The following AFF3 variants were observed in gnomAD, a reference collection of about 807,000 sequenced individuals.
AFF3 encodes ALF transcription elongation factor 3, also known as AF4/FMR2 family member 3.
AFF3 carries 32 observed loss-of-function variants against 129.7 expected under a neutral mutation model. The observed-to-expected ratio is 0.25, with a 90% CI of 0.19 to 0.33. AFF3 has a LOEUF of 0.33. Ranked by LOEUF, AFF3 falls within the 10% of genes least tolerant of loss-of-function variation. The pLI is 1.00. For missense variants in AFF3, 1,373 were observed against 1,592.0 expected (o/e 0.86, Z 2.34); for synonymous variants, 644 against 635.4 (o/e 1.01, Z -0.20).
intron 8 of AFF3, among the ~76,000 whole-genome samples, chr2:99,821,030 G>A (rs1687637618): frequency 6.6e-6 from 1 of 151,792 alleles, no homozygotes. Flanking sequence ...ACGCCACCAT[G>A]CCTGTCTGAT....
At chr2:100,118,900 A>G (rs1248593782) in intron 2 of AFF3, among the ~76,000 whole-genome samples, 8 of 151,024 alleles carry the variant, frequency 5.3e-5, no homozygotes, top group African/African-American at 2.0e-4. Flanking sequence ...TCTGCCTCCT[A>G]GGTTCAAGCC....
intron 8 of AFF3, among the ~76,000 whole-genome samples, chr2:99,836,741 C>A (rs1471479049): frequency 6.6e-6 from 1 of 151,608 alleles, no homozygotes; most frequent in Non-Finnish European, 1.5e-5. Flanking sequence ...TTCATACCAT[C>A]TGGCCTAATT....
chr2:99,894,045 A>G (rs1693759031), intron 7 of AFF3, among the ~76,000 whole-genome samples: 1 of 152,124 alleles, frequency 6.6e-6, no homozygotes, highest in Non-Finnish European at 1.5e-5. Context: ...TTTTTTGTGC[A>G]AAATCAGACC....
intron 11 of AFF3, among the ~76,000 whole-genome samples, chr2:99,720,549 C>A (rs1049433043): frequency 6.6e-6 from 1 of 152,106 alleles, no homozygotes; most frequent in Non-Finnish European, 1.5e-5. Context: ...GCTAAGGATG[C>A]CTCTTTTCTT....
At chr2:99,672,640 C>T (rs55779933) in intron 11 of AFF3, 51 bp from the exon 12 acceptor site, 50,324 of 1,540,604 alleles carry the variant, frequency 0.033, 964 homozygotes, top group Middle Eastern at 0.043. Flanking sequence ...TTAGTGGATT[C>T]AGAATAATTC....
chr2:99,810,361 C>T (rs1256743661), intron 8 of AFF3, among the ~76,000 whole-genome samples: 1 of 152,228 alleles, frequency 6.6e-6, no homozygotes, highest in Non-Finnish European at 1.5e-5. Context: ...GTTCCCCCAT[C>T]TGAGAGATAA....
intron 7 of AFF3, among the ~76,000 whole-genome samples, chr2:99,853,875 A>G (rs981418429): frequency 1.2e-4 from 18 of 152,338 alleles, no homozygotes; most frequent in African/African-American, 4.3e-4. Context: ...GGCCCAGAGA[A>G]TTACAAATTT....
chr2:99,679,378 T>C (rs1409648402), intron 11 of AFF3, among the ~76,000 whole-genome samples: 1 of 152,194 alleles, frequency 6.6e-6, no homozygotes, highest in Non-Finnish European at 1.5e-5. Flanking sequence ...CAACTTCTGA[T>C]GGTCCTTTTC....
chr2:99,811,973 G>C (rs1380393378), intron 8 of AFF3, among the ~76,000 whole-genome samples: 1 of 152,196 alleles, frequency 6.6e-6, no homozygotes, highest in Non-Finnish European at 1.5e-5. Context: ...GTAAGCCAAT[G>C]AGCATTATTT....
In AFF3 at chr2:100,032,091, T is replaced by C. The variant is rs140823333; in HGVS notation, c.54-23159A>G. Among the ~76,000 whole-genome samples, 15 of 152,274 alleles carry C rather than the reference T, an allele frequency of 9.9e-5. No homozygotes were observed. In the East Asian group the frequency reaches 2.9e-3, roughly 29 times the overall value. ...ACTTATAGTCTTGGAATTCAGCATATAGTTACCTCTAGAGAAAAGGGAAAG... is the reference window on the plus strand; with the variant it reads ...ACTTATAGTCTTGGAATTCAGCATACAGTTACCTCTAGAGAAAAGGGAAAG... On this transcript the variant is annotated intron_variant, in intron 4 of 24. Coordinates refer to ENST00000672756, the MANE Select transcript of AFF3 (RefSeq NM_001386135.1).
At chr2:99,940,933 C>T (rs1351339099) in intron 7 of AFF3, among the ~76,000 whole-genome samples, 1 of 152,102 alleles carries the variant, frequency 6.6e-6, no homozygotes, top group Admixed American at 6.6e-5. Context: ...TGTCATACCC[C>T]CACCTGTCTT....
At chr2:100,010,213 T>A (rs987556228) in intron 4 of AFF3, among the ~76,000 whole-genome samples, 5 of 152,156 alleles carry the variant, frequency 3.3e-5, no homozygotes, top group African/African-American at 1.2e-4. Context: ...TAATAAAATA[T>A]TGTTAATAAT....
chr2:100,063,921 A>G (rs1821829), intron 4 of AFF3, among the ~76,000 whole-genome samples: 1 of 151,398 alleles, frequency 6.6e-6, no homozygotes, highest in Non-Finnish European at 1.5e-5. Flanking sequence ...GAAACCCCAT[A>G]TCTACTAAAA....
intron 2 of AFF3, among the ~76,000 whole-genome samples, chr2:100,119,307 C>T (rs2105551761): frequency 6.6e-6 from 1 of 152,332 alleles, no homozygotes; most frequent in South Asian, 2.1e-4. Context: ...TACAGCCCTA[C>T]TTTAAGCCAC....
intron 8 of AFF3, among the ~76,000 whole-genome samples, chr2:99,757,300 A>G (rs1575885825): frequency 6.6e-6 from 1 of 152,162 alleles, no homozygotes; most frequent in Admixed American, 6.5e-5. Flanking sequence ...CAAACTCACC[A>G]TGTTTAAAGC....
chr2:99,693,774 C>T (rs1038524953), intron 11 of AFF3, among the ~76,000 whole-genome samples: 3 of 152,078 alleles, frequency 2.0e-5, no homozygotes, highest in African/African-American at 7.2e-5. Flanking sequence ...GGTTTTGGTT[C>T]CTTATTCATA....
intron 7 of AFF3, among the ~76,000 whole-genome samples, chr2:99,944,723 G>C (rs1005502347): frequency 6.6e-6 from 1 of 152,154 alleles, no homozygotes; most frequent in African/African-American, 2.4e-5. Context: ...ATAAGACAAG[G>C]CATTGGGTGA....
At chr2:99,911,179 C>A (rs571638561) in intron 7 of AFF3, among the ~76,000 whole-genome samples, 1 of 152,288 alleles carries the variant, frequency 6.6e-6, no homozygotes, top group African/African-American at 2.4e-5. Flanking sequence ...TTCCTTTTGA[C>A]AATCGATTGA....
chr2:99,856,092 A>C (rs565281330), intron 7 of AFF3, among the ~76,000 whole-genome samples: 13 of 152,320 alleles, frequency 8.5e-5, no homozygotes, highest in African/African-American at 3.1e-4. Flanking sequence ...AGTCTATGGA[A>C]GTCTAAGAAG....
Sources: allele counts gnomAD v4.1 joint callset (sites outside exome capture counted in the v4.1 genomes callset), GRCh38; gene constraint gnomAD v4.1.1; transcripts MANE v1.5; gene names NCBI Gene and HGNC (gene_info 2026-07-23, HGNC 2026-07-21).